PAF1: variants seen among roughly 807,000 people sequenced by gnomAD.
PAF1 encodes PAF1 component of Paf1/RNA polymerase II complex, also known as RNA polymerase II-associated factor 1 homolog.
PAF1 carries 31 observed loss-of-function variants against 68.4 expected under a neutral mutation model. That is an observed-to-expected ratio of 0.45 (90% CI 0.34 to 0.61). PAF1 has a LOEUF of 0.61. Among genes scored for constraint, PAF1 ranks in the 20% least tolerant of loss-of-function variants. PAF1 has a pLI of 0.01. For synonymous variants in PAF1, 256 were observed against 240.5 expected, an observed-to-expected ratio of 1.06 and a Z score of -0.60; for missense variants, 435 against 692.9, an observed-to-expected ratio of 0.63 and a Z score of 4.18.
chr19:39,386,516 C>CTCT lies in PAF1; in HGVS notation c.1148_1149insAGA (p.Glu383dup). 1 of 1,614,234 alleles carries CTCT rather than the reference C, an allele frequency of 6.2e-7. No homozygotes were observed. Among genetic ancestry groups the CTCT allele is most frequent in the Non-Finnish European group, 8.5e-7 (1 of 1,180,038 alleles). Reference sequence around the variant, plus strand: ...CAGCTTCTTTCTCTTCTGTCTCCATCTCCTCTTCCTCTTCCTCCTCCGGTT... The same window carrying CTCT: ...CAGCTTCTTTCTCTTCTGTCTCCATCTCTTCCTCTTCCTCTTCCTCCTCCGGTT... On this transcript the variant is annotated inframe_insertion, in exon 13 of 14. Coordinates refer to ENST00000221265, the MANE Select transcript of PAF1 (RefSeq NM_019088.4). The surrounding 1 kb of genome is among the most constrained non-coding windows in gnomAD (Gnocchi z 6.1).
rs2078244128 is a variant in PAF1 at position 39,386,188 on chromosome 19, CAG to C, written c.1397_1398del (p.Ser466Ter). On this transcript the variant is annotated frameshift_variant, in exon 14 of 14. Transcript: ENST00000221265. LOFTEE classifies it high-confidence loss of function. This position sits in a 1 kb window ranked among gnomAD's most constrained non-coding sequence, Gnocchi z 6.1. ...TGGGCCTGTCCTCTGTCCTCATCAT[CAG>C]AGTCGGCATCGTCCTCAGAATCAGC... ...SDADSEDDAD[S>X]DDEDRGQAQG... 6.2e-7 allele frequency: 1 copy of C among 1,614,042 alleles called. No individual in the cohort carries two copies. Among genetic ancestry groups the C allele is most frequent in the African/African-American group, 1.3e-5 (1 of 74,908 alleles).
chr19:39,389,953 C>G lies in PAF1; in HGVS notation c.170+116G>C. On this transcript the variant is annotated intron_variant, in intron 3 of 13. Transcript: ENST00000221265. The surrounding 1 kb of genome is among the most constrained non-coding windows in gnomAD (Gnocchi z 5.3). ...TCCATTAACAATTGAGCAGCTACTA[C>G]TATGTGCTAGGGTAGGTACTGTGCT... 1.9e-6 allele frequency: 2 copies of G among 1,059,516 alleles called. No homozygotes were observed. Among genetic ancestry groups the G allele is most frequent in the Non-Finnish European group, 2.9e-6 (2 of 690,542 alleles). The allele number at this position is 1,059,516 out of a possible 1,614,324, so 65.6% of individuals were successfully genotyped here.
At position 39,388,622 on chromosome 19, in the gene PAF1, T is replaced by C. The variant is rs1198237716; in HGVS notation, c.795A>G (p.Glu265=). 1.2e-6 allele frequency: 2 copies of C among 1,614,020 alleles called. No individual in the cohort carries two copies. The highest frequency in any genetic ancestry group is 2.7e-5 in the African/African-American group (2 of 74,920). The change falls in exon 10 of 14, where the codon GAA becomes GAG. Residue 265 remains glutamate (E), a synonymous_variant. Coordinates refer to ENST00000221265, the MANE Select transcript of PAF1 (RefSeq NM_019088.4). The stretch of plus-strand genomic sequence containing the variant: ...CCCGCTTTCGTTTCTTCAACGTCTC[T>C]TCTACAGGCAGGAAATAGGCCACAA... ...NQFVAYFLPV[E]ETLKKRKRDQ... is the part of the protein sequence containing the mutation.
chr19:39,388,232 C>A, intron 11 of PAF1, 107 bp downstream of exon 11: 3 of 1,059,062 alleles, frequency 2.8e-6, no homozygotes. Flanking sequence ...TTTACCAATG[C>A]ATATGACAAA....
rs574148414 is a variant in PAF1, at chr19:39,390,953, C to G, written c.-89G>C. On this transcript the variant is annotated 5_prime_UTR_variant, in exon 1 of 14. Coordinates refer to ENST00000221265, the MANE Select transcript of PAF1 (RefSeq NM_019088.4). ...GTGCCGACTTCAGGGGACGCCTGATCCGAGGAAGGCCCAGCTTGGCGCCGC... is the reference window on the plus strand; with the variant it reads ...GTGCCGACTTCAGGGGACGCCTGATGCGAGGAAGGCCCAGCTTGGCGCCGC... The G allele has an allele frequency of 1.7e-5, 22 of 1,314,752 alleles. No homozygotes were observed. The African/African-American group carries it at 2.8e-4, about 17-fold the overall frequency. 81.4% of individuals were successfully genotyped at this position (1,314,752 alleles called of 1,614,324 possible).
Position 39,389,338 on chromosome 19 carries a change from CTCTG to C in PAF1, c.401_404del (p.Thr134SerfsTer25), listed in dbSNP as rs1322252050. The C allele has an allele frequency of 1.9e-6, 3 of 1,614,082 alleles. No homozygotes were observed. Among genetic ancestry groups the C allele is most frequent in the Non-Finnish European group, 2.5e-6 (3 of 1,180,040 alleles). On this transcript the variant is annotated frameshift_variant, in exon 6 of 14. Coordinates refer to ENST00000221265, the MANE Select transcript of PAF1 (RefSeq NM_019088.4). LOFTEE classifies it high-confidence loss of function. This position sits in a 1 kb window ranked among gnomAD's most constrained non-coding sequence, Gnocchi z 5.3. Reference sequence around the variant, plus strand: ...AACGGTTGAACTCAGTGGAGATGTACTCTGTCTTTCGCATCCATGGCACCACCTT... The same window carrying C: ...AACGGTTGAACTCAGTGGAGATGTACTCTTTCGCATCCATGGCACCACCTT...
chr19:39,389,357 G>A lies in PAF1; in HGVS notation c.386C>T (p.Pro129Leu). The A allele has an allele frequency of 6.2e-7, 1 of 1,614,104 alleles. No homozygotes were observed. The highest frequency in any genetic ancestry group is 8.5e-7 in the Non-Finnish European group (1 of 1,180,010). Residue 129 changes from proline (P) to leucine (L), a missense_variant, in exon 6 of 14, where the codon CCA becomes CTA. Around this residue, in one of 7 missense-constraint regions of PAF1, gnomAD observed 5 missense variants for 35.6 expected, o/e 0.14. Transcript: ENST00000221265. The surrounding 1 kb of genome is among the most constrained non-coding windows in gnomAD (Gnocchi z 5.3). ...GATGTACTCTGTCTTTCGCATCCAT[G>A]GCACCACCTTCGCGTGCTGCTGGGA... ...KRSQQHAKVVPWMRKTEYIST... is the reference protein window; with the variant it reads ...KRSQQHAKVVLWMRKTEYIST...
intron 11 of PAF1, chr19:39,387,246 C>A: frequency 2.5e-6 from 1 of 399,034 alleles, no homozygotes. Flanking sequence ...AATTGTAATA[C>A]AATAGTAAGT....
rs1030586450 is a variant in PAF1 at position 39,386,866 on chromosome 19, G to GC, written c.987-68dup. 58 of 1,053,122 alleles carry GC rather than the reference G, an allele frequency of 5.5e-5. 1 individual carries two copies. The highest frequency in any genetic ancestry group is 2.4e-4 in the East Asian group (10 of 42,164). 65.2% of individuals were successfully genotyped at this position (1,053,122 alleles called of 1,614,324 possible). ...TTAAAGACACACCTCCCACTTCCCC[G>GC]CCCCCCAGTGAGGGGTCTGGTCTGA... On this transcript the variant is annotated intron_variant, in intron 11 of 13. Transcript: ENST00000221265. The surrounding 1 kb of genome is among the most constrained non-coding windows in gnomAD (Gnocchi z 6.1).
intron 8 of PAF1, 37 bp downstream of exon 8, chr19:39,388,910 T>C (rs768827037): frequency 6.8e-6 from 11 of 1,610,184 alleles, no homozygotes; most frequent in Admixed American, 3.3e-5. Flanking sequence ...CAGGCACAAA[T>C]AGGCTGTCCC....
At chr19:39,390,370 A>G (rs1277472760) in intron 1 of PAF1, 81 bp from the exon 2 acceptor site, 5 of 1,322,156 alleles carry the variant, frequency 3.8e-6, no homozygotes, top group Non-Finnish European at 5.2e-6. Flanking sequence ...CAACCTTTCA[A>G]AAGGTAGGAG....
In PAF1 at chr19:39,386,671, C is replaced by T; in HGVS notation, c.1092+23G>A. The T allele has an allele frequency of 1.3e-6, 2 of 1,599,664 alleles. No individual in the cohort carries two copies. Among genetic ancestry groups the T allele is most frequent in the Middle Eastern group, 1.7e-4 (1 of 6,032 alleles). On this transcript the variant is annotated intron_variant, in intron 12 of 13. Transcript: ENST00000221265. This position sits in a 1 kb window ranked among gnomAD's most constrained non-coding sequence, Gnocchi z 6.1. The stretch of plus-strand genomic sequence containing the variant: ...CCACCACCCTCCCTGCCATGGGTGC[C>T]CTGAGCCAGTGGTGCTTGTTACCTG...
At chr19:39,390,232 G>A (rs1420622473) in intron 2 of PAF1, 28 bp downstream of exon 2, 2 of 1,613,334 alleles carry the variant, frequency 1.2e-6, no homozygotes, top group Admixed American at 1.7e-5. Context: ...CTGCCCCACC[G>A]CTCCTGGGAA....
At position 39,389,622 on chromosome 19, in the gene PAF1, C is replaced by T; in HGVS notation, c.292+18G>A. On this transcript the variant is annotated intron_variant, in intron 4 of 13. Transcript: ENST00000221265. This position sits in a 1 kb window ranked among gnomAD's most constrained non-coding sequence, Gnocchi z 5.3. ...CCTTTGCTGACCTAGAGCAGACCCT[C>T]CCTGTCTCCCCACACACCATTGGGG... 1.2e-6 allele frequency: 2 copies of T among 1,614,216 alleles called. No homozygotes were observed. Among genetic ancestry groups the T allele is most frequent in the Admixed American group, 1.7e-5 (1 of 60,026 alleles).
chr19:39,388,894 T>C (rs1321234096), intron 8 of PAF1, 29 bp from the exon 9 acceptor site: 1 of 1,612,286 alleles, frequency 6.2e-7, no homozygotes, highest in Non-Finnish European at 8.5e-7. Flanking sequence ...TGGGGTTAGA[T>C]GGGAACAGGC....
chr19:39,389,159 T>G lies in PAF1; in HGVS notation c.501A>C (p.Glu167Asp). ...TCTGGCTATCCCTGTCTTTGTATAT[T>G]TCTTCCTCGGTAAACTGCTGCTTCA... ...VSVKQQFTEE[E>D]IYKDRDSQIT... The change falls in exon 7 of 14, where the codon GAA becomes GAC. Residue 167 changes from glutamate (E) to aspartate (D), a missense_variant. This residue lies in a region of PAF1 where 151 missense variants were observed against 306.3 expected (regional missense o/e 0.49). Coordinates refer to ENST00000221265, the MANE Select transcript of PAF1 (RefSeq NM_019088.4). The surrounding 1 kb of genome is among the most constrained non-coding windows in gnomAD (Gnocchi z 5.3). The G allele has an allele frequency of 6.2e-7, 1 of 1,614,152 alleles. No individual in the cohort carries two copies. Among genetic ancestry groups the G allele is most frequent in the African/African-American group, 1.3e-5 (1 of 75,032 alleles).
intron 3 of PAF1, 53 bp downstream of exon 3, chr19:39,390,016 C>T: frequency 1.4e-6 from 2 of 1,424,048 alleles, no homozygotes; most frequent in Middle Eastern, 1.8e-4. Context: ...GACAAGCAGT[C>T]CCTGCCTTCA....
intron 11 of PAF1, among the ~76,000 whole-genome samples, chr19:39,387,397 CAGG>C (rs771527297): frequency 1.8e-4 from 28 of 152,256 alleles, no homozygotes; most frequent in Middle Eastern, 3.4e-3. Flanking sequence ...TTTGAGAAAC[CAGG>C]AGATGTCAAA....
At position 39,386,604 on chromosome 19, in the gene PAF1, G is replaced by A; in HGVS notation, c.1093-32C>T. On this transcript the variant is annotated intron_variant, in intron 12 of 13. Coordinates refer to ENST00000221265, the MANE Select transcript of PAF1 (RefSeq NM_019088.4). This position sits in a 1 kb window ranked among gnomAD's most constrained non-coding sequence, Gnocchi z 6.1. ...GCAGCAAGATTGGAATGAGGGGAAG[G>A]AGGGTGTTCTGCTGGGTTTTTGTCC... 1 of 1,611,846 alleles carries A rather than the reference G, an allele frequency of 6.2e-7. No homozygotes were observed. The highest frequency in any genetic ancestry group is 8.5e-7 in the Non-Finnish European group (1 of 1,178,004).
Sources: gnomAD v4.1 joint callset for allele counts (sites outside exome capture counted in the v4.1 genomes callset) on GRCh38, gnomAD v4.1.1 for gene constraint, gnomAD v4.1.1 regional missense constraint, Gnocchi (gnomAD v3.1) non-coding constraint, MANE v1.5 for transcripts, NCBI Gene and HGNC (gene_info 2026-07-23, HGNC 2026-07-21) for gene names.